The following GPC4 variants were observed in gnomAD, a reference collection of about 807,000 sequenced individuals.
GPC4 encodes the protein glypican-4.
A neutral mutation model predicts 35.0 loss-of-function variants in GPC4; 10 were observed. The observed-to-expected ratio is 0.29, with a 90% CI of 0.18 to 0.48. The LOEUF (loss-of-function observed/expected upper bound fraction) is 0.48, where lower values mean the gene tolerates loss of function less well. Ranked by LOEUF, GPC4 falls within the 20% of genes least tolerant of loss-of-function variation. GPC4 has a pLI of 0.99. For missense variants in GPC4, 322 were observed against 451.3 expected, an observed-to-expected ratio of 0.71 and a Z score of 2.60; for synonymous variants, 167 against 170.2, an observed-to-expected ratio of 0.98 and a Z score of 0.15.
intron 7 of GPC4, among the ~76,000 whole-genome samples, chrX:133,304,347 C>T (rs1734726686): frequency 9.0e-6 from 1 of 111,276 alleles, no homozygotes; most frequent in African/African-American, 3.3e-5. Context: ...AGTTACTGAG[C>T]GTCTAAGGGA....
Position 133,415,122 on chromosome X carries a change from G to A in GPC4, c.-157C>T. The A allele has an allele frequency of 1.9e-6, 1 of 525,512 alleles. No individual in the cohort carries two copies. The highest frequency in any genetic ancestry group is 3.0e-6 in the Non-Finnish European group (1 of 331,239). 43.3% of individuals were successfully genotyped at this position (525,512 alleles called of 1,213,427 possible). ...GAAGAGGCGAGCAGGCGGAGGAGAC[G>A]CGGGGCGAAAAGTAGAGCTGGGCCT... On this transcript the variant is annotated 5_prime_UTR_variant, in exon 1 of 9. Coordinates refer to ENST00000370828, the MANE Select transcript of GPC4 (RefSeq NM_001448.3).
chrX:133,352,352 G>A lies in GPC4; in HGVS notation c.161-13011C>T, dbSNP rs183140159. On this transcript the variant is annotated intron_variant, in intron 1 of 8. Coordinates refer to ENST00000370828, the MANE Select transcript of GPC4 (RefSeq NM_001448.3). ...CTGAAGGCATTATCTCGGACTCAGAGCAAAATCTGACAAGGCAAGGGTGAA... is the reference window on the plus strand; with the variant it reads ...CTGAAGGCATTATCTCGGACTCAGAACAAAATCTGACAAGGCAAGGGTGAA... 4.0e-3 allele frequency among the ~76,000 whole-genome samples: 447 copies of A among 111,436 alleles called. 2 individuals carry two copies. Among genetic ancestry groups the A allele is most frequent in the Non-Finnish European group, 7.7e-3 (409 of 53,135 alleles).
intron 1 of GPC4, among the ~76,000 whole-genome samples, chrX:133,384,369 A>C (rs1161036168): frequency 9.0e-6 from 1 of 111,462 alleles, no homozygotes; most frequent in Non-Finnish European, 1.9e-5. Context: ...TTCTTAAAAA[A>C]AAAAAAGTTG....
At chrX:133,338,883 T>C (rs1401630969) in intron 2 of GPC4, among the ~76,000 whole-genome samples, 1 of 111,154 alleles carries the variant, frequency 9.0e-6, no homozygotes, top group African/African-American at 3.3e-5. Context: ...TTTTTTTTTT[T>C]AAAGGGACTT....
intron 1 of GPC4, among the ~76,000 whole-genome samples, chrX:133,394,956 G>T (rs1569355754): frequency 9.0e-6 from 1 of 111,643 alleles, no homozygotes; most frequent in African/African-American, 3.3e-5. Context: ...TCTAGATTGA[G>T]CAACAACAAG....
At chrX:133,407,560 C>A (rs2068794688) in intron 1 of GPC4, among the ~76,000 whole-genome samples, 1 of 112,051 alleles carries the variant, frequency 8.9e-6, no homozygotes, top group Non-Finnish European at 1.9e-5. Context: ...ATCAATCAGG[C>A]ATGGTTTACC....
At chrX:133,403,753 T>C (rs2068775588) in intron 1 of GPC4, among the ~76,000 whole-genome samples, 2 of 107,946 alleles carry the variant, frequency 1.9e-5, no homozygotes, top group Admixed American at 2.0e-4. Flanking sequence ...TGGGGTGTAG[T>C]GGTGTGATCT....
chrX:133,351,665 A>C (rs1368748327), intron 1 of GPC4, among the ~76,000 whole-genome samples: 1 of 111,336 alleles, frequency 9.0e-6, no homozygotes, highest in East Asian at 2.8e-4. Flanking sequence ...CTCACCTTTC[A>C]GAACCTTTCC....
intron 2 of GPC4, among the ~76,000 whole-genome samples, chrX:133,327,647 G>A (rs1282070964): frequency 1.1e-5 from 1 of 94,075 alleles, no homozygotes; most frequent in African/African-American, 4.2e-5. Flanking sequence ...GTGTGTGTGT[G>A]TGTGTGTGTG....
intron 1 of GPC4, among the ~76,000 whole-genome samples, chrX:133,345,305 A>G (rs2068487821): frequency 8.9e-6 from 1 of 112,275 alleles, no homozygotes; most frequent in Non-Finnish European, 1.9e-5. Context: ...CATTATGTAA[A>G]TGTAAGACAG....
At chrX:133,391,588 C>T (rs747425043) in intron 1 of GPC4, among the ~76,000 whole-genome samples, 1 of 112,223 alleles carries the variant, frequency 8.9e-6, no homozygotes, top group South Asian at 3.8e-4. Context: ...AAATGTACTG[C>T]AGTCAACAAT....
At chrX:133,412,853 CA>C (rs894822846) in intron 1 of GPC4, among the ~76,000 whole-genome samples, 20 of 112,120 alleles carry the variant, frequency 1.8e-4, no homozygotes, top group Non-Finnish European at 3.6e-4. Context: ...CTGCACAGAG[CA>C]AAGTTGGGGA....
At chrX:133,311,474 C>T (rs2068314149) in intron 3 of GPC4, 51 bp from the exon 4 acceptor site, 4 of 1,111,245 alleles carry the variant, frequency 3.6e-6, no homozygotes, top group Non-Finnish European at 5.0e-6. Context: ...AAAATAGAGA[C>T]AGAAATTGCT....
intron 1 of GPC4, among the ~76,000 whole-genome samples, chrX:133,403,321 T>C (rs1276009858): frequency 9.0e-6 from 1 of 111,539 alleles, no homozygotes; most frequent in Non-Finnish European, 1.9e-5. Context: ...AAGATCAAGA[T>C]GCTGGTAGAT....
At chrX:133,403,949 G>A (rs1603099270) in intron 1 of GPC4, among the ~76,000 whole-genome samples, 1 of 110,288 alleles carries the variant, frequency 9.1e-6, no homozygotes, top group African/African-American at 3.3e-5. Flanking sequence ...TGCCTGCCTC[G>A]ACCTCCCAAA....
At chrX:133,356,090 T>C (rs1461324420) in intron 1 of GPC4, among the ~76,000 whole-genome samples, 1 of 111,338 alleles carries the variant, frequency 9.0e-6, no homozygotes, top group East Asian at 2.8e-4. Context: ...ACCAAGAATT[T>C]TAGGTTATTC....
chrX:133,319,836 CA>C (rs1160892775), intron 3 of GPC4, among the ~76,000 whole-genome samples: 9 of 111,477 alleles, frequency 8.1e-5, no homozygotes, highest in African/African-American at 2.9e-4. Flanking sequence ...CACTGTATCT[CA>C]AATTTTTTAA....
At chrX:133,402,918 A>G (rs749479802) in intron 1 of GPC4, among the ~76,000 whole-genome samples, 1 of 108,529 alleles carries the variant, frequency 9.2e-6, no homozygotes, top group Admixed American at 1.0e-4. Context: ...GGAAAAAAAA[A>G]AAAAAAAAAG....
At position 133,302,622 on chromosome X, in the gene GPC4, G is replaced by A; in HGVS notation, c.*245C>T. On this transcript the variant is annotated 3_prime_UTR_variant, in exon 9 of 9. Coordinates refer to ENST00000370828, the MANE Select transcript of GPC4 (RefSeq NM_001448.3). ...CAAATGCACAACTAACTATAGTTCTGTACCTACACTGTTAGCCACGTTTAA... is the reference window on the plus strand; with the variant it reads ...CAAATGCACAACTAACTATAGTTCTATACCTACACTGTTAGCCACGTTTAA... The A allele has an allele frequency of 7.5e-6, 3 of 398,271 alleles. No homozygotes were observed. Among genetic ancestry groups the A allele is most frequent in the Admixed American group, 9.0e-5 (2 of 22,183 alleles). The allele number at this position is 398,271 out of a possible 1,213,427, so 32.8% of individuals were successfully genotyped here. A position where few individuals can be genotyped will look rare whatever the true frequency, so the allele number is the denominator to read the frequency against.
Sources: allele counts gnomAD v4.1 joint callset (sites outside exome capture counted in the v4.1 genomes callset), GRCh38; gene constraint gnomAD v4.1.1; transcripts MANE v1.5; gene names NCBI Gene and HGNC (gene_info 2026-07-23, HGNC 2026-07-21).